NCAM2: variants seen among roughly 807,000 people sequenced by gnomAD.
The protein encoded by NCAM2 is neural cell adhesion molecule 2.
In NCAM2, 30 loss-of-function variants were observed where a neutral mutation model predicts 98.1. The observed-to-expected ratio is 0.31, with a 90% CI of 0.23 to 0.41. NCAM2 has a LOEUF of 0.41. Among genes scored for constraint, NCAM2 ranks in the 10% least tolerant of loss-of-function variants. The pLI is 1.00. For missense variants in NCAM2, 867 were observed against 1,005.8 expected, an observed-to-expected ratio of 0.86 and a Z score of 1.87; for synonymous variants, 368 against 342.4, an observed-to-expected ratio of 1.07 and a Z score of -0.83.
Position 21,537,919 on chromosome 21 carries a change from G to A in NCAM2, c.2476G>A (p.Asp826Asn), listed in dbSNP as rs376541267. 5 of 1,578,264 alleles carry A rather than the reference G, an allele frequency of 3.2e-6. No homozygotes were observed. Among genetic ancestry groups the A allele is most frequent in the Non-Finnish European group, 3.4e-6 (4 of 1,162,228 alleles). The change falls in exon 18 of 18, where the codon GAC (aspartate) becomes AAC (asparagine). Residue 826 changes from aspartate (D) to asparagine (N), a missense_variant. Coordinates refer to ENST00000400546, the MANE Select transcript of NCAM2 (RefSeq NM_004540.5). ...AACTATAGAAATTAAAGTTTCTAAC[G>A]ACATCATTCAATCAAAAGAAGACGA... is the stretch of plus-strand genomic sequence containing the variant. ...PETIEIKVSN[D>N]IIQSKEDDSK...
intron 15 of NCAM2, among the ~76,000 whole-genome samples, chr21:21,483,815 G>C (rs1986107957): frequency 6.6e-6 from 1 of 152,042 alleles, no homozygotes; most frequent in Non-Finnish European, 1.5e-5. Context: ...TGTTTTAAAA[G>C]AGATGCAGTG....
At chr21:21,378,099 G>C (rs114531908) in intron 9 of NCAM2, among the ~76,000 whole-genome samples, 1,931 of 151,724 alleles carry the variant, frequency 0.013, 43 homozygotes, top group African/African-American at 0.045. Context: ...GGACATTTAG[G>C]TTGATTCCAT....
At chr21:21,319,381 G>T (rs371890497) in intron 5 of NCAM2, among the ~76,000 whole-genome samples, 2 of 152,258 alleles carry the variant, frequency 1.3e-5, no homozygotes, top group East Asian at 1.9e-4. Flanking sequence ...AGTGGCTCAC[G>T]CCTGTAATCC....
chr21:21,088,032 A>G (rs1213041391), intron 1 of NCAM2, among the ~76,000 whole-genome samples: 1 of 152,196 alleles, frequency 6.6e-6, no homozygotes, highest in Non-Finnish European at 1.5e-5. Context: ...CATGTGTTTT[A>G]TATATTGGAA....
chr21:21,097,722 T>C (rs2066152249), intron 1 of NCAM2, among the ~76,000 whole-genome samples: 1 of 151,464 alleles, frequency 6.6e-6, no homozygotes, highest in Non-Finnish European at 1.5e-5. Flanking sequence ...GAAACACTGT[T>C]ACATCAGGAC....
At chr21:21,151,716 T>TA (rs1408201214) in intron 1 of NCAM2, among the ~76,000 whole-genome samples, 4 of 152,078 alleles carry the variant, frequency 2.6e-5, no homozygotes, top group African/African-American at 9.7e-5. Flanking sequence ...CTGATACTAA[T>TA]AGAGACTTCC....
intron 1 of NCAM2, among the ~76,000 whole-genome samples, chr21:21,210,310 G>A (rs1191784765): frequency 1.3e-5 from 2 of 152,026 alleles, no homozygotes; most frequent in African/African-American, 4.8e-5. Context: ...ATTTACAAAC[G>A]GAAATAATTC....
chr21:21,118,275 A>T (rs2066603995), intron 1 of NCAM2, among the ~76,000 whole-genome samples: 1 of 152,212 alleles, frequency 6.6e-6, no homozygotes, highest in African/African-American at 2.4e-5. Context: ...CGTACAAGTC[A>T]CTATAATACA....
At chr21:21,063,465 C>A (rs576180160) in intron 1 of NCAM2, among the ~76,000 whole-genome samples, 69 of 152,018 alleles carry the variant, frequency 4.5e-4, no homozygotes, top group South Asian at 4.2e-4. Context: ...AAGTGATCCA[C>A]CCGCCTCAGC....
At chr21:21,530,061 A>G (rs1399920493) in intron 16 of NCAM2, among the ~76,000 whole-genome samples, 1 of 136,708 alleles carries the variant, frequency 7.3e-6, no homozygotes, top group East Asian at 2.0e-4. Context: ...AAAAATATAT[A>G]TACTTTAAAT....
chr21:21,103,259 G>A (rs1322271746), intron 1 of NCAM2, among the ~76,000 whole-genome samples: 1 of 151,906 alleles, frequency 6.6e-6, no homozygotes, highest in Non-Finnish European at 1.5e-5. Context: ...TCATTTGTTA[G>A]TGAGCAGAAA....
At chr21:21,007,383 C>A (rs1303941198) in intron 1 of NCAM2, among the ~76,000 whole-genome samples, 3 of 152,062 alleles carry the variant, frequency 2.0e-5, no homozygotes, top group African/African-American at 7.2e-5. Context: ...AGGGCAAGTC[C>A]ATAGAGTAAA....
intron 1 of NCAM2, among the ~76,000 whole-genome samples, chr21:21,220,060 T>TA (rs34284134): frequency 8.0e-5 from 12 of 150,558 alleles, no homozygotes; most frequent in African/African-American, 1.5e-4. Context: ...GTCAAAAAGT[T>TA]AAAAAAAAAA....
At chr21:21,014,160 G>A (rs749486431) in intron 1 of NCAM2, among the ~76,000 whole-genome samples, 7 of 152,030 alleles carry the variant, frequency 4.6e-5, no homozygotes, top group Non-Finnish European at 8.8e-5. Flanking sequence ...TAAGAATTAC[G>A]CTAAGTCGTA....
At chr21:21,157,323 C>T (rs1031248616) in intron 1 of NCAM2, among the ~76,000 whole-genome samples, 2 of 152,116 alleles carry the variant, frequency 1.3e-5, no homozygotes, top group Non-Finnish European at 2.9e-5. Context: ...TACCTTTGAA[C>T]ATTTTTCCTT....
chr21:21,076,088 GC>G (rs2065675034), intron 1 of NCAM2, among the ~76,000 whole-genome samples: 2 of 149,622 alleles, frequency 1.3e-5, no homozygotes, highest in South Asian at 4.2e-4. Context: ...CTGCACTCGA[GC>G]CTGAGCGACA....
At chr21:21,110,858 A>G (rs1438017555) in intron 1 of NCAM2, among the ~76,000 whole-genome samples, 2 of 151,986 alleles carry the variant, frequency 1.3e-5, no homozygotes, top group African/African-American at 4.8e-5. Flanking sequence ...TTAAATACAG[A>G]TTATAACACA....
At chr21:21,512,842 G>A (rs913600839) in intron 16 of NCAM2, among the ~76,000 whole-genome samples, 2 of 151,798 alleles carry the variant, frequency 1.3e-5, no homozygotes, top group African/African-American at 4.8e-5. Context: ...ATTTATTTGA[G>A]CTTTTATAAA....
intron 1 of NCAM2, among the ~76,000 whole-genome samples, chr21:21,151,601 G>A (rs1342008437): frequency 6.6e-6 from 1 of 151,946 alleles, no homozygotes; most frequent in Non-Finnish European, 1.5e-5. Flanking sequence ...GGAAGCGCTG[G>A]TAGTGGCATA....
Sources: gnomAD v4.1 joint callset for allele counts (sites outside exome capture counted in the v4.1 genomes callset) on GRCh38, gnomAD v4.1.1 for gene constraint, MANE v1.5 for transcripts, NCBI Gene and HGNC (gene_info 2026-07-23, HGNC 2026-07-21) for gene names.